Variants in SCNN1B observed in about 807,000 individuals in gnomAD.
SCNN1B encodes epithelial sodium channel subunit beta.
A neutral mutation model predicts 65.3 loss-of-function variants in SCNN1B; 46 were observed. The ratio of observed to expected loss-of-function variants is 0.70; its 90% CI spans 0.56 to 0.90. SCNN1B has a LOEUF of 0.90. Ranked by LOEUF, SCNN1B falls within the 40% of genes least tolerant of loss-of-function variation. The pLI is 0.00. For missense variants in SCNN1B, 751 were observed against 830.5 expected, an observed-to-expected ratio of 0.90 and a Z score of 1.18; for synonymous variants, 349 against 330.6, an observed-to-expected ratio of 1.06 and a Z score of -0.60.
At chr16:23,303,196 T>A (rs1171231840) in intron 1 of SCNN1B, among the ~76,000 whole-genome samples, 1 of 152,038 alleles carries the variant, frequency 6.6e-6, no homozygotes, top group Non-Finnish European at 1.5e-5. Context: ...ATTCTCACTC[T>A]AGCGTGGAGG....
chr16:23,279,115 C>T (rs143422471), intron 1 of SCNN1B, among the ~76,000 whole-genome samples: 246 of 151,780 alleles, frequency 1.6e-3, no homozygotes, highest in Non-Finnish European at 2.9e-3. Context: ...CTGACTCTGT[C>T]ACCCAGGCTG....
chr16:23,302,742 G>A (rs1488873984), intron 1 of SCNN1B, among the ~76,000 whole-genome samples: 1 of 152,158 alleles, frequency 6.6e-6, no homozygotes, highest in African/African-American at 2.4e-5. Context: ...TAGAGTGGGC[G>A]GGGCAAGAAG....
At chr16:23,355,520 GC>G (rs1567309129) in intron 4 of SCNN1B, 31 bp downstream of exon 4, 3 of 1,610,040 alleles carry the variant, frequency 1.9e-6, no homozygotes, top group Non-Finnish European at 2.5e-6. Context: ...ACCCGGCCAG[GC>G]CCTGGCACCG....
chr16:23,285,969 G>A (rs997586471), intron 2 of SCNN1B, among the ~76,000 whole-genome samples: 7 of 152,140 alleles, frequency 4.6e-5, no homozygotes, highest in African/African-American at 1.2e-4. Flanking sequence ...GCGAGACACT[G>A]TCTTAAAATA....
intron 2 of SCNN1B, among the ~76,000 whole-genome samples, chr16:23,291,882 G>A (rs1386651022): frequency 6.6e-6 from 1 of 151,542 alleles, no homozygotes. Context: ...CACCCAACCT[G>A]TGTCTCTGCA....
rs1437207635 is a variant in SCNN1B, at chr16:23,348,248, A to G, written c.-8-344A>G. On this transcript the variant is annotated intron_variant, in intron 1 of 12. Transcript: ENST00000343070. This position sits in a 1 kb window ranked among gnomAD's most constrained non-coding sequence, Gnocchi z 4.5. Reference sequence around the variant, plus strand: ...GCTATACCACATTTTATGCACAGAGAACCTGAGTTGAGAGTTTAAGTCACT... The same window carrying G: ...GCTATACCACATTTTATGCACAGAGGACCTGAGTTGAGAGTTTAAGTCACT... Among the ~76,000 whole-genome samples, 1 of 152,138 alleles carries G rather than the reference A, an allele frequency of 6.6e-6. No individual in the cohort carries two copies. Among genetic ancestry groups the G allele is most frequent in the Non-Finnish European group, 1.5e-5 (1 of 68,022 alleles).
rs549745103 is a variant in SCNN1B at position 23,363,129 on chromosome 16, G to A, written c.777-4727G>A. Among the ~76,000 whole-genome samples, 7 of 152,228 alleles carry A rather than the reference G, an allele frequency of 4.6e-5. No individual in the cohort carries two copies. In the South Asian group the frequency reaches 6.2e-4, roughly 14 times the overall value. On this transcript the variant is annotated intron_variant, in intron 4 of 12. Transcript: ENST00000343070. ...TCACTTCTCCATACTTATCTCTGTC[G>A]ATGCTCTTATCGCCTATTGTAATTT...
At chr16:23,328,996 C>T (rs748811805) in intron 1 of SCNN1B, among the ~76,000 whole-genome samples, 35 of 152,002 alleles carry the variant, frequency 2.3e-4, no homozygotes, top group Non-Finnish European at 4.9e-4. Flanking sequence ...GAGACGGTCA[C>T]GCTGTCTTGC....
intron 1 of SCNN1B, among the ~76,000 whole-genome samples, chr16:23,336,469 T>C (rs2142005516): frequency 6.6e-6 from 1 of 151,626 alleles, no homozygotes; most frequent in Non-Finnish European, 1.5e-5. Context: ...CCTCCCGGGT[T>C]CAAGCAATTC....
At chr16:23,370,175 G>A (rs547467320) in intron 5 of SCNN1B, among the ~76,000 whole-genome samples, 6 of 152,134 alleles carry the variant, frequency 3.9e-5, no homozygotes, top group South Asian at 2.1e-4. Context: ...GCGCAATCTC[G>A]GCTCACTACA....
intron 1 of SCNN1B, among the ~76,000 whole-genome samples, chr16:23,336,063 T>G (rs1961932336): frequency 6.6e-6 from 1 of 152,134 alleles, no homozygotes. Context: ...CCAGAACAGG[T>G]GCAAGATGTC....
chr16:23,279,088 T>C (rs1167858459), intron 1 of SCNN1B, among the ~76,000 whole-genome samples: 1 of 151,420 alleles, frequency 6.6e-6, no homozygotes, highest in Non-Finnish European at 1.5e-5. Flanking sequence ...TGTGTGTGTG[T>C]GTGTGTGTGA....
intron 2 of SCNN1B, among the ~76,000 whole-genome samples, chr16:23,351,331 A>C (rs1962304562): frequency 6.6e-6 from 1 of 152,156 alleles, no homozygotes; most frequent in South Asian, 2.1e-4. Flanking sequence ...TGTAGATGAG[A>C]GAACAGAGCC....
intron 1 of SCNN1B, among the ~76,000 whole-genome samples, chr16:23,338,755 G>T (rs1961994215): frequency 6.6e-6 from 1 of 152,210 alleles, no homozygotes; most frequent in African/African-American, 2.4e-5. Context: ...TGGTCATGCG[G>T]GGACAACCGT....
intron 2 of SCNN1B, among the ~76,000 whole-genome samples, chr16:23,293,039 C>T (rs761459542): frequency 1.2e-4 from 16 of 138,032 alleles, no homozygotes; most frequent in South Asian, 2.4e-4. Flanking sequence ...TGCTTGAACC[C>T]GGGAGGTGAA....
chr16:23,326,310 A>G (rs1282660414), intron 1 of SCNN1B, among the ~76,000 whole-genome samples: 1 of 152,146 alleles, frequency 6.6e-6, no homozygotes, highest in Non-Finnish European at 1.5e-5. Context: ...GGAAAGTTAC[A>G]AAGCACAGAT....
chr16:23,380,682 G>A lies in SCNN1B; in HGVS notation c.1804G>A (p.Gly602Arg), dbSNP rs1184218230. Reference protein sequence around the residue: ...PDTAPRSPNTGPYPSEQALPI... With the variant: ...PDTAPRSPNTRPYPSEQALPI... ...CACGGCCCCCCGCAGCCCCAACACT[G>A]GGCCCTACCCCAGTGAGCAGGCCCT... The change falls in exon 13 of 13, where the codon GGG becomes AGG. Residue 602 changes from glycine (G) to arginine (R), a missense_variant. Gly to Arg is a moderately radical substitution (Grantham distance 125, BLOSUM62 -2). Transcript: ENST00000343070. The surrounding 1 kb of genome is among the most constrained non-coding windows in gnomAD (Gnocchi z 5.4). The A allele has an allele frequency of 6.2e-7, 1 of 1,612,418 alleles. No individual in the cohort carries two copies. Among genetic ancestry groups the A allele is most frequent in the Non-Finnish European group, 8.5e-7 (1 of 1,179,502 alleles).
chr16:23,317,310 A>C (rs1054389743), intron 1 of SCNN1B, among the ~76,000 whole-genome samples: 2 of 152,180 alleles, frequency 1.3e-5, no homozygotes, highest in Non-Finnish European at 2.9e-5. Flanking sequence ...CACTCTGCAA[A>C]GGCGGCAGCA....
At chr16:23,347,904 A>C (rs1237607920) in intron 1 of SCNN1B, among the ~76,000 whole-genome samples, 1 of 152,240 alleles carries the variant, frequency 6.6e-6, no homozygotes, top group African/African-American at 2.4e-5. Context: ...GTGAGACCCT[A>C]TCTGAAAAAA....
Sources: allele counts gnomAD v4.1 joint callset (sites outside exome capture counted in the v4.1 genomes callset), GRCh38; gene constraint gnomAD v4.1.1; non-coding constraint Gnocchi (gnomAD v3.1); transcripts MANE v1.5; gene names NCBI Gene and HGNC (gene_info 2026-07-23, HGNC 2026-07-21).